ZZZ3: variants seen among roughly 807,000 people sequenced by gnomAD.
ZZZ3 encodes zinc finger ZZ-type containing 3.
In ZZZ3, 22 loss-of-function variants were observed where a neutral mutation model predicts 95.2. The ratio of observed to expected loss-of-function variants is 0.23; its 90% CI spans 0.17 to 0.33. The LOEUF (loss-of-function observed/expected upper bound fraction) is 0.33, where lower values mean the gene tolerates loss of function less well. Among genes scored for constraint, ZZZ3 ranks in the 10% least tolerant of loss-of-function variants. The pLI is 1.00. For synonymous variants in ZZZ3, 335 were observed against 358.9 expected, an observed-to-expected ratio of 0.93 and a Z score of 0.75; for missense variants, 885 against 1,066.5, an observed-to-expected ratio of 0.83 and a Z score of 2.37.
Position 77,566,148 on chromosome 1 carries a change from C to T in ZZZ3, c.2500G>A (p.Val834Ile). 1 of 1,613,196 alleles carries T rather than the reference C, an allele frequency of 6.2e-7. No individual in the cohort carries two copies. Among genetic ancestry groups the T allele is most frequent in the Non-Finnish European group, 8.5e-7 (1 of 1,179,486 alleles). ...DNCGIEPIQG[V>I]RWHCQDCPPE... ...GGACAATCCTGGCAATGCCACCGAA[C>T]ACCCTGGATGGGTTCTATGCCACAG... Residue 834 changes from valine (V) to isoleucine (I), a missense_variant, in exon 14 of 15, where the codon GTT becomes ATT. By Grantham distance (29) the Val-to-Ile change is conservative. Around this residue, in one of 5 missense-constraint regions of ZZZ3, gnomAD observed 221 missense variants for 247.8 expected, o/e 0.89. Transcript: ENST00000370801.
intron 5 of ZZZ3, among the ~76,000 whole-genome samples, chr1:77,599,521 C>A (rs1664536405): frequency 6.6e-6 from 1 of 151,960 alleles, no homozygotes; most frequent in African/African-American, 2.4e-5. Context: ...TAATTATTTA[C>A]AAATACTAAT....
intron 1 of ZZZ3, among the ~76,000 whole-genome samples, chr1:77,646,232 T>C (rs1230199110): frequency 6.6e-6 from 1 of 152,102 alleles, no homozygotes; most frequent in African/African-American, 2.4e-5. Flanking sequence ...TGTTTTTTTT[T>C]CTTTTGAGAC....
chr1:77,651,021 A>G (rs186270244), intron 1 of ZZZ3, among the ~76,000 whole-genome samples: 1 of 152,274 alleles, frequency 6.6e-6, no homozygotes, highest in African/African-American at 2.4e-5. Context: ...ATGACATTGA[A>G]CCCCTACCTC....
At chr1:77,643,334 T>C (rs1470174209) in intron 1 of ZZZ3, among the ~76,000 whole-genome samples, 1 of 152,234 alleles carries the variant, frequency 6.6e-6, no homozygotes, top group Non-Finnish European at 1.5e-5. Context: ...TCAAGCATTC[T>C]GCAAAACTGT....
intron 1 of ZZZ3, chr1:77,677,169 T>C (rs1277070803): frequency 6.6e-6 from 1 of 152,090 alleles, no homozygotes; most frequent in Non-Finnish European, 1.5e-5. Flanking sequence ...TGAAACCCCA[T>C]CTCTACAAAA....
At chr1:77,669,102 G>A (rs2101046694) in intron 1 of ZZZ3, among the ~76,000 whole-genome samples, 1 of 151,700 alleles carries the variant, frequency 6.6e-6, no homozygotes, top group Non-Finnish European at 1.5e-5. Flanking sequence ...CACATAGCTT[G>A]TAGAGATAAA....
At chr1:77,577,696 A>T (rs1662099231) in intron 11 of ZZZ3, among the ~76,000 whole-genome samples, 2 of 152,196 alleles carry the variant, frequency 1.3e-5, no homozygotes, top group Non-Finnish European at 2.9e-5. Context: ...CTTATTAAGA[A>T]AATTTAAAAC....
Position 77,632,392 on chromosome 1 carries a change from C to T in ZZZ3, c.963G>A (p.Val321=), listed in dbSNP as rs751028018. Reference sequence around the variant, plus strand: ...GCTCTTTTGAGGCACTGCTATCTCCCACCACATCTACTTCCTCCTCAGAAT... The same window carrying T: ...GCTCTTTTGAGGCACTGCTATCTCCTACCACATCTACTTCCTCCTCAGAAT... ...LRDSEEEVDV[V]GDSSASKEQC... The change falls in exon 5 of 15, where the codon GTG becomes GTA. Residue 321 remains valine (V), a synonymous_variant. Coordinates refer to ENST00000370801, the MANE Select transcript of ZZZ3 (RefSeq NM_015534.6). 2 of 1,613,996 alleles carry T rather than the reference C, an allele frequency of 1.2e-6. No individual in the cohort carries two copies.
In ZZZ3 at chr1:77,584,526, G is replaced by C; in HGVS notation, c.1635C>G (p.Leu545=). The C allele has an allele frequency of 6.2e-7, 1 of 1,610,868 alleles. No homozygotes were observed. Among genetic ancestry groups the C allele is most frequent in the Non-Finnish European group, 8.5e-7 (1 of 1,179,046 alleles). Residue 545 remains leucine (L), a synonymous_variant, in exon 6 of 15, where the codon CTC becomes CTG. Transcript: ENST00000370801. ...ACAGTTCAATGTATACCTTCTTCTG[G>C]AGTTTTTCCACAAATCCAATGGGAT... ...LKNPIGFVEK[L]QKKADIGLPY... is the part of the protein sequence containing the mutation.
intron 4 of ZZZ3, among the ~76,000 whole-genome samples, chr1:77,635,917 A>G (rs1668255594): frequency 6.6e-6 from 1 of 152,220 alleles, no homozygotes; most frequent in Non-Finnish European, 1.5e-5. Context: ...AAAAAAAATA[A>G]AAAGAAAAGA....
upstream of ZZZ3, among the ~76,000 whole-genome samples, chr1:77,683,107 GCAGCCGTC>G: frequency 7.2e-6 from 1 of 137,974 alleles, no homozygotes; most frequent in Non-Finnish European, 1.5e-5. Context: ...CGCAGCCGTC[GCAGCCGTC>G]GCAGTCGTCG....
intron 1 of ZZZ3, among the ~76,000 whole-genome samples, chr1:77,654,884 A>G (rs192644501): frequency 6.6e-6 from 1 of 152,200 alleles, no homozygotes; most frequent in Admixed American, 6.5e-5. Flanking sequence ...CCTGTACTCA[A>G]GCAATCCTCC....
At chr1:77,627,089 T>C (rs1359971504) in intron 5 of ZZZ3, among the ~76,000 whole-genome samples, 1 of 152,088 alleles carries the variant, frequency 6.6e-6, no homozygotes, top group Non-Finnish European at 1.5e-5. Flanking sequence ...GTTCTCAACA[T>C]AGAAACCCAA....
chr1:77,627,507 C>G (rs1667439687), intron 5 of ZZZ3, among the ~76,000 whole-genome samples: 1 of 152,162 alleles, frequency 6.6e-6, no homozygotes, highest in Admixed American at 6.6e-5. Flanking sequence ...TTTCTCTATG[C>G]AGCTTCCAAA....
intron 1 of ZZZ3, among the ~76,000 whole-genome samples, chr1:77,666,931 G>A (rs916930707): frequency 5.3e-5 from 8 of 152,198 alleles, no homozygotes; most frequent in African/African-American, 1.9e-4. Context: ...TTGAACCACA[G>A]AAGTGAGGGA....
chr1:77,593,902 CTT>C (rs1327436829), intron 5 of ZZZ3, among the ~76,000 whole-genome samples: 2 of 152,090 alleles, frequency 1.3e-5, no homozygotes, highest in East Asian at 3.8e-4. Context: ...GGTCTTGCTT[CTT>C]TGTCTTTAAA....
intron 1 of ZZZ3, among the ~76,000 whole-genome samples, chr1:77,647,022 GAC>G (rs1342065826): frequency 6.6e-6 from 1 of 152,190 alleles, no homozygotes; most frequent in Non-Finnish European, 1.5e-5. Flanking sequence ...AACAGGGAAA[GAC>G]ATCCATAGGC....
At chr1:77,602,061 G>A (rs141815049) in intron 5 of ZZZ3, among the ~76,000 whole-genome samples, 18 of 152,324 alleles carry the variant, frequency 1.2e-4, no homozygotes, top group Non-Finnish European at 2.4e-4. Flanking sequence ...AAAAAGCTAC[G>A]TAAGAGAAAC....
At chr1:77,577,607 G>A (rs1000881812) in intron 11 of ZZZ3, among the ~76,000 whole-genome samples, 2 of 152,118 alleles carry the variant, frequency 1.3e-5, no homozygotes, top group Admixed American at 6.5e-5. Context: ...AGTATGGAAG[G>A]ATAACAGCAC....
Sources: gnomAD v4.1 joint callset for allele counts (sites outside exome capture counted in the v4.1 genomes callset) on GRCh38, gnomAD v4.1.1 for gene constraint, gnomAD v4.1.1 regional missense constraint, MANE v1.5 for transcripts, NCBI Gene and HGNC (gene_info 2026-07-23, HGNC 2026-07-21) for gene names.